WDFY4: variants seen among roughly 807,000 people sequenced by gnomAD.
WDFY4 encodes WDFY family member 4.
In WDFY4, 169 loss-of-function variants were observed where a neutral mutation model predicts 351.9. That is an observed-to-expected ratio of 0.48 (90% confidence interval 0.42 to 0.55). The LOEUF (loss-of-function observed/expected upper bound fraction) is 0.55. Ranked by LOEUF, WDFY4 falls within the 20% of genes least tolerant of loss-of-function variation. The probability of loss-of-function intolerance (pLI) is 0.00; values close to 1 mark genes in which losing one functional copy is unlikely to be tolerated. For synonymous variants in WDFY4, 1,622 were observed against 1,574.6 expected (o/e 1.03, Z -0.71); for missense variants, 3,803 against 3,935.6 (o/e 0.97, Z 0.90).
At chr10:48,778,873 G>A (rs1035881470) in intron 18 of WDFY4, 41 bp downstream of exon 18, 39 of 1,539,462 alleles carry the variant, frequency 2.5e-5, no homozygotes, top group Middle Eastern at 1.7e-4. Flanking sequence ...TCCACATGTG[G>A]GGGAAATGGG....
intron 1 of WDFY4, among the ~76,000 whole-genome samples, chr10:48,703,110 T>C (rs2063525604): frequency 1.3e-5 from 2 of 152,228 alleles, no homozygotes; most frequent in Non-Finnish European, 1.5e-5. Context: ...TGTGAAACCA[T>C]GGGGAAGAGG....
At chr10:48,854,114 A>C (rs1427696293) in intron 39 of WDFY4, among the ~76,000 whole-genome samples, 4 of 138,484 alleles carry the variant, frequency 2.9e-5, no homozygotes, top group Non-Finnish European at 4.7e-5. Context: ...AGTCTAAGTC[A>C]TTTTTTTTTT....
chr10:48,824,112 TTC>T, intron 35 of WDFY4: 1 of 985,468 alleles, frequency 1.0e-6, no homozygotes, highest in Non-Finnish European at 1.2e-6. Flanking sequence ...AATCAGGGTC[TTC>T]TACTTCTCCC....
intron 13 of WDFY4, among the ~76,000 whole-genome samples, chr10:48,770,225 G>A (rs2065817482): frequency 6.6e-6 from 1 of 152,130 alleles, no homozygotes; most frequent in South Asian, 2.1e-4. Context: ...TAAACTTGTG[G>A]CATCATTAGA....
At chr10:48,974,505 A>AAAAAAAAAAAAAAAC (rs1842464512) in intron 57 of WDFY4, among the ~76,000 whole-genome samples, 2 of 16,088 alleles carry the variant, frequency 1.2e-4, no homozygotes, top group African/African-American at 1.6e-4. Context: ...TCCGTCTCAA[A>AAAAAAAAAAAAAAAC]AAAAAAAAAA....
intron 47 of WDFY4, among the ~76,000 whole-genome samples, chr10:48,936,149 A>C (rs1033761034): frequency 1.3e-5 from 2 of 152,186 alleles, no homozygotes; most frequent in African/African-American, 2.4e-5. Context: ...AAGTAGTAAA[A>C]ATTTTGGAAA....
At chr10:48,970,736 A>G (rs566788206) in intron 57 of WDFY4, among the ~76,000 whole-genome samples, 3 of 152,236 alleles carry the variant, frequency 2.0e-5, no homozygotes, top group Non-Finnish European at 4.4e-5. Flanking sequence ...CCTGTAAAAT[A>G]GGTGCCATGA....
At chr10:48,892,478 A>AGT (rs1836861469) in intron 44 of WDFY4, among the ~76,000 whole-genome samples, 1 of 152,220 alleles carries the variant, frequency 6.6e-6, no homozygotes, top group Non-Finnish European at 1.5e-5. Context: ...GTGCCCAGAT[A>AGT]GTTTTAGTCA....
chr10:48,740,389 G>A (rs2064815107), intron 11 of WDFY4, among the ~76,000 whole-genome samples: 2 of 152,250 alleles, frequency 1.3e-5, no homozygotes, highest in Admixed American at 1.3e-4. Flanking sequence ...TTGGAAGTGA[G>A]TTGCTCACAT....
chr10:48,848,601 C>G (rs1278868816), intron 39 of WDFY4, among the ~76,000 whole-genome samples: 2 of 152,102 alleles, frequency 1.3e-5, no homozygotes, highest in East Asian at 3.9e-4. Flanking sequence ...CGATTTGGGC[C>G]CCAGTGAGTG....
Position 48,778,908 on chromosome 10 carries a change from G to T in WDFY4, c.3397+76G>T, listed in dbSNP as rs1381931935. Reference sequence around the variant, plus strand: ...GGCTAAGTCAGAAGCTCTCAACACAGGTGTGGTTAGAAACCTGGTGACCTT... The same window carrying T: ...GGCTAAGTCAGAAGCTCTCAACACATGTGTGGTTAGAAACCTGGTGACCTT... On this transcript the variant is annotated intron_variant, in intron 18 of 61. Coordinates refer to ENST00000325239, the MANE Select transcript of WDFY4 (RefSeq NM_001394531.1). The T allele has an allele frequency of 3.0e-5, 45 of 1,477,746 alleles. No homozygotes were observed. In the South Asian group the frequency reaches 4.1e-4, roughly 14 times the overall value. 91.5% of individuals were successfully genotyped at this position (1,477,746 alleles called of 1,614,324 possible).
At position 48,795,809 on chromosome 10, in the gene WDFY4, C is replaced by A. The variant is rs2066855010; in HGVS notation, c.4258-489C>A. Among the ~76,000 whole-genome samples the A allele has an allele frequency of 3.3e-5, 5 of 152,078 alleles. No homozygotes were observed. In the South Asian group the frequency reaches 1.0e-3, roughly 32 times the overall value. The stretch of plus-strand genomic sequence containing the variant: ...GCTTGGTGGGACCCATCTTCTTAGT[C>A]TGAGACAAGCTGGGTCACCAAATGT... On this transcript the variant is annotated intron_variant, in intron 23 of 61. Coordinates refer to ENST00000325239, the MANE Select transcript of WDFY4 (RefSeq NM_001394531.1).
chr10:48,773,582 C>T (rs1344365472), intron 13 of WDFY4, among the ~76,000 whole-genome samples: 3 of 152,194 alleles, frequency 2.0e-5, no homozygotes, highest in East Asian at 1.9e-4. Flanking sequence ...CTTCAAAGGA[C>T]ATAAGCAGAG....
chr10:48,844,072 C>T (rs985747304), intron 39 of WDFY4, among the ~76,000 whole-genome samples: 2 of 152,228 alleles, frequency 1.3e-5, no homozygotes, highest in African/African-American at 4.8e-5. Context: ...TGGCGCCTGC[C>T]GCCTGCTGCA....
chr10:48,970,340 T>C (rs1842285156), intron 57 of WDFY4, 51 bp downstream of exon 57: 4 of 1,532,664 alleles, frequency 2.6e-6, no homozygotes, highest in South Asian at 1.2e-5. Flanking sequence ...CAGTACTTCA[T>C]GTAGGGACAA....
chr10:48,822,348 C>T (rs1228820435), intron 34 of WDFY4, 32 bp from the exon 35 acceptor site: 1 of 1,502,240 alleles, frequency 6.7e-7, no homozygotes, highest in Non-Finnish European at 8.9e-7. Flanking sequence ...TCCATTTAGA[C>T]TCTCACCTCC....
At chr10:48,840,932 T>C (rs775718014) in intron 39 of WDFY4, among the ~76,000 whole-genome samples, 1 of 152,238 alleles carries the variant, frequency 6.6e-6, no homozygotes, top group Non-Finnish European at 1.5e-5. Context: ...ATCTTCATAA[T>C]AGAAGGATAA....
At chr10:48,823,222 C>T (rs2067885378) in intron 35 of WDFY4, 1 of 1,303,630 alleles carries the variant, frequency 7.7e-7, no homozygotes, top group Non-Finnish European at 1.0e-6. Flanking sequence ...TCCTGACAAG[C>T]CTCCAGGAAA....
At chr10:48,863,944 G>C (rs113354560) in intron 39 of WDFY4, among the ~76,000 whole-genome samples, 14 of 152,016 alleles carry the variant, frequency 9.2e-5, no homozygotes, top group African/African-American at 3.4e-4. Flanking sequence ...ATCAGATCTC[G>C]TTAGAACTCA....
Sources: gnomAD v4.1 joint callset for allele counts (sites outside exome capture counted in the v4.1 genomes callset) on GRCh38, gnomAD v4.1.1 for gene constraint, MANE v1.5 for transcripts, NCBI Gene and HGNC (gene_info 2026-07-23, HGNC 2026-07-21) for gene names.